Variants in CNTN4 observed in about 807,000 individuals in gnomAD.
CNTN4 encodes the protein contactin 4.
Under a neutral mutation model 122.5 loss-of-function variants are expected in CNTN4, and 77 were observed. The observed-to-expected ratio is 0.63, with a 90% CI of 0.52 to 0.76. The LOEUF (loss-of-function observed/expected upper bound fraction) is 0.76, where lower values mean the gene tolerates loss of function less well. Among genes scored for constraint, CNTN4 ranks in the 30% least tolerant of loss-of-function variants. The pLI is 0.00. For missense variants in CNTN4, 1,256 were observed against 1,259.1 expected (o/e 1.00, Z 0.04); for synonymous variants, 512 against 447.0 (o/e 1.15, Z -1.83).
At chr3:2,421,441 A>T (rs2151111052) in intron 3 of CNTN4, among the ~76,000 whole-genome samples, 1 of 152,154 alleles carries the variant, frequency 6.6e-6, no homozygotes, top group East Asian at 1.9e-4. Context: ...TAGTAGAGAC[A>T]TGGTTTCACC....
chr3:2,505,132 C>G (rs1245860178), intron 3 of CNTN4, among the ~76,000 whole-genome samples: 2 of 152,128 alleles, frequency 1.3e-5, no homozygotes, highest in Non-Finnish European at 2.9e-5. Flanking sequence ...ATGTTGTGGT[C>G]TTTCTGGAGA....
At chr3:2,509,474 A>G (rs923685387) in intron 3 of CNTN4, among the ~76,000 whole-genome samples, 2 of 152,206 alleles carry the variant, frequency 1.3e-5, no homozygotes, top group Non-Finnish European at 2.9e-5. Flanking sequence ...AAAAATGTAT[A>G]ATTGCCTTGT....
chr3:2,727,158 C>G (rs369409923), intron 4 of CNTN4, among the ~76,000 whole-genome samples: 13 of 152,126 alleles, frequency 8.5e-5, no homozygotes, highest in African/African-American at 2.9e-4. Flanking sequence ...GGATCAGAAG[C>G]CATTTGGGTC....
intron 3 of CNTN4, among the ~76,000 whole-genome samples, chr3:2,344,319 A>G (rs1366303867): frequency 1.3e-5 from 2 of 149,590 alleles, no homozygotes; most frequent in South Asian, 2.1e-4. Flanking sequence ...TCTGTTGCCC[A>G]GGCTGGAGTG....
At chr3:2,859,867 A>G (rs2093654820) in intron 7 of CNTN4, among the ~76,000 whole-genome samples, 1 of 152,190 alleles carries the variant, frequency 6.6e-6, no homozygotes, top group African/African-American at 2.4e-5. Flanking sequence ...TCTGCACCCT[A>G]GAAAAATGCT....
intron 6 of CNTN4, among the ~76,000 whole-genome samples, chr3:2,769,648 T>C (rs1232360382): frequency 6.6e-6 from 1 of 152,216 alleles, no homozygotes; most frequent in Non-Finnish European, 1.5e-5. Context: ...TAGAAACACC[T>C]ATGTTGGTTT....
chr3:2,401,373 G>A (rs1053359370), intron 3 of CNTN4, among the ~76,000 whole-genome samples: 1 of 152,044 alleles, frequency 6.6e-6, no homozygotes, highest in East Asian at 1.9e-4. Flanking sequence ...CAGTCAGATC[G>A]ATCTACTCGT....
At chr3:2,319,796 T>TA (rs1176342195) in intron 2 of CNTN4, among the ~76,000 whole-genome samples, 1 of 152,204 alleles carries the variant, frequency 6.6e-6, no homozygotes, top group African/African-American at 2.4e-5. Flanking sequence ...TTGGTACCCC[T>TA]ACCCTCCTCG....
At chr3:3,044,585 A>G (rs1479237595) in intron 23 of CNTN4, among the ~76,000 whole-genome samples, 1 of 152,200 alleles carries the variant, frequency 6.6e-6, no homozygotes, top group African/African-American at 2.4e-5. Flanking sequence ...AGAGGAAGAA[A>G]GCAGAAGCTG....
At chr3:2,542,695 G>T (rs1458414164) in intron 3 of CNTN4, among the ~76,000 whole-genome samples, 1 of 152,112 alleles carries the variant, frequency 6.6e-6, no homozygotes, top group Non-Finnish European at 1.5e-5. Context: ...TCATAGAGAT[G>T]CTTTGTGGTA....
chr3:2,392,701 G>A (rs1007728206), intron 3 of CNTN4, among the ~76,000 whole-genome samples: 2 of 151,878 alleles, frequency 1.3e-5, no homozygotes, highest in African/African-American at 2.4e-5. Context: ...ATTAACTATC[G>A]TCAGCATGTT....
At chr3:2,782,299 G>GA (rs1553638438) in intron 6 of CNTN4, among the ~76,000 whole-genome samples, 1 of 151,686 alleles carries the variant, frequency 6.6e-6, no homozygotes, top group South Asian at 2.1e-4. Flanking sequence ...AGGTGGGGGG[G>GA]GGCCTTAGAA....
At chr3:2,584,230 T>G (rs2080075767) in intron 4 of CNTN4, among the ~76,000 whole-genome samples, 1 of 152,146 alleles carries the variant, frequency 6.6e-6, no homozygotes, top group Non-Finnish European at 1.5e-5. Flanking sequence ...TTACCTTCAA[T>G]GGGTCCTAAC....
intron 2 of CNTN4, among the ~76,000 whole-genome samples, chr3:2,311,897 C>T (rs545247083): frequency 1.3e-5 from 2 of 151,988 alleles, no homozygotes; most frequent in East Asian, 3.9e-4. Flanking sequence ...CTTAGGTAAC[C>T]CTTAGATATT....
At chr3:2,784,867 TC>T (rs1408540188) in intron 6 of CNTN4, among the ~76,000 whole-genome samples, 2 of 152,202 alleles carry the variant, frequency 1.3e-5, no homozygotes, top group Non-Finnish European at 2.9e-5. Flanking sequence ...AAGCGCTAGT[TC>T]CCTTTCTCCT....
intron 2 of CNTN4, among the ~76,000 whole-genome samples, chr3:2,294,582 G>T (rs144508252): frequency 2.5e-3 from 374 of 152,250 alleles, no homozygotes; most frequent in African/African-American, 8.4e-3. Context: ...AGTGAGCCGA[G>T]ATCGTGCCAC....
chr3:2,276,282 C>T (rs1475478816), intron 2 of CNTN4, among the ~76,000 whole-genome samples: 3 of 151,986 alleles, frequency 2.0e-5, no homozygotes, highest in African/African-American at 7.3e-5. Flanking sequence ...AAGTGATTCT[C>T]CTGCCTCAGC....
At chr3:2,195,763 C>G (rs1425654919) in intron 2 of CNTN4, among the ~76,000 whole-genome samples, 1 of 152,160 alleles carries the variant, frequency 6.6e-6, no homozygotes, top group Non-Finnish European at 1.5e-5. Context: ...AACAAAGGAG[C>G]TTGGCTTCCT....
chr3:2,999,306 A>G (rs764189710), intron 14 of CNTN4, among the ~76,000 whole-genome samples: 38 of 152,242 alleles, frequency 2.5e-4, no homozygotes, highest in Admixed American at 4.6e-4. Flanking sequence ...AAACAAAAAG[A>G]ACAACTCTTG....
Sources: allele counts gnomAD v4.1 joint callset (sites outside exome capture counted in the v4.1 genomes callset), GRCh38; gene constraint gnomAD v4.1.1; transcripts MANE v1.5; gene names NCBI Gene and HGNC (gene_info 2026-07-23, HGNC 2026-07-21).